The following PNPLA1 variants were observed in gnomAD, a reference collection of about 807,000 sequenced individuals.
PNPLA1 encodes the protein patatin like domain 1, omega-hydroxyceramide transacylase.
A neutral mutation model predicts 51.7 loss-of-function variants in PNPLA1; 36 were observed. The observed-to-expected ratio is 0.70, with a 90% CI of 0.53 to 0.92. The LOEUF is 0.92. Among genes scored for constraint, PNPLA1 ranks in the 40% least tolerant of loss-of-function variants. The pLI is 0.00. For missense variants in PNPLA1, 658 were observed against 682.5 expected, an observed-to-expected ratio of 0.96 and a Z score of 0.40; for synonymous variants, 293 against 280.1, an observed-to-expected ratio of 1.05 and a Z score of -0.46.
Position 36,306,288 on chromosome 6 carries a change from T to G in PNPLA1, c.1385-4T>G, listed in dbSNP as rs1771231024. 7 of 1,608,258 alleles carry G rather than the reference T, an allele frequency of 4.4e-6. No individual in the cohort carries two copies. The highest frequency in any genetic ancestry group is 2.2e-5 in the South Asian group (2 of 90,074). ...ACTCCCGTTTCCTATATCTTTACTT[T>G]TAGCTGTAGCTCTTCTTGTCTCTTC... On this transcript the variant is annotated splice_polypyrimidine_tract_variant and splice_region_variant and intron_variant, in intron 6 of 8. Transcript: ENST00000636260.
At chr6:36,272,082 C>G (rs1769933833) in intron 1 of PNPLA1, among the ~76,000 whole-genome samples, 1 of 152,182 alleles carries the variant, frequency 6.6e-6, no homozygotes, top group Non-Finnish European at 1.5e-5. Context: ...CAGAATGATT[C>G]AAGCGCATTA....
chr6:36,263,087 A>G (rs768576929), intron 1 of PNPLA1, among the ~76,000 whole-genome samples: 11 of 152,258 alleles, frequency 7.2e-5, no homozygotes, highest in Non-Finnish European at 1.3e-4. Flanking sequence ...TAAAATAACC[A>G]AGATTTTATT....
chr6:36,292,812 G>C (rs1421559327), intron 2 of PNPLA1, among the ~76,000 whole-genome samples: 1 of 152,226 alleles, frequency 6.6e-6, no homozygotes, highest in African/African-American at 2.4e-5. Context: ...GAACCCCGAA[G>C]CTATGGAGGA....
intron 1 of PNPLA1, among the ~76,000 whole-genome samples, chr6:36,282,048 A>G (rs111584264): frequency 3.4e-4 from 23 of 67,634 alleles, no homozygotes; most frequent in African/African-American, 1.3e-3. Flanking sequence ...AAAGAAGGAA[A>G]GAAAGAAAGA....
chr6:36,312,715 A>G lies in PNPLA1; in HGVS notation c.*829A>G, dbSNP rs1481266353. Among the ~76,000 whole-genome samples, 1 of 152,178 alleles carries G rather than the reference A, an allele frequency of 6.6e-6. No homozygotes were observed. Among genetic ancestry groups the G allele is most frequent in the Non-Finnish European group, 1.5e-5 (1 of 68,030 alleles). ...CCTATTCCCAGCCCCGATGGTGCAC[A>G]AGATCTGTTTCCCTTCCAGGGTGAG... On this transcript the variant is annotated 3_prime_UTR_variant, in exon 9 of 9. Transcript: ENST00000636260.
At chr6:36,304,772 C>T (rs1012213706) in intron 6 of PNPLA1, among the ~76,000 whole-genome samples, 3 of 152,130 alleles carry the variant, frequency 2.0e-5, no homozygotes, top group Admixed American at 1.3e-4. Flanking sequence ...CTGAGCAATC[C>T]TGCACCCCAA....
chr6:36,245,765 G>A (rs1325650895), intron 1 of PNPLA1, among the ~76,000 whole-genome samples: 2 of 152,198 alleles, frequency 1.3e-5, no homozygotes, highest in Admixed American at 6.5e-5. Context: ...TCATCCCCAC[G>A]TTACAGGTAG....
intron 1 of PNPLA1, among the ~76,000 whole-genome samples, chr6:36,271,058 C>T (rs1418267077): frequency 6.6e-6 from 1 of 152,202 alleles, no homozygotes; most frequent in Admixed American, 6.5e-5. Flanking sequence ...TTTCAAAATG[C>T]AAATACCCTT....
chr6:36,283,459 C>T (rs1284728258), intron 1 of PNPLA1, among the ~76,000 whole-genome samples: 1 of 152,090 alleles, frequency 6.6e-6, no homozygotes, highest in Non-Finnish European at 1.5e-5. Flanking sequence ...CCCATGAATC[C>T]TGTGGGTAAC....
Position 36,312,908 on chromosome 6 carries a change from G to A in PNPLA1, c.*1022G>A, listed in dbSNP as rs183207358. 1.7e-3 allele frequency among the ~76,000 whole-genome samples: 264 copies of A among 152,274 alleles called. 7 individuals are homozygous for A. The highest frequency in any genetic ancestry group is 0.016 in the Admixed American group (251 of 15,282). ...CTAGTCTCCCCAGGATCCTGTCCAA[G>A]GGCAAAACTCTTGGGGGCCCAGCAG... On this transcript the variant is annotated 3_prime_UTR_variant, in exon 9 of 9. Coordinates refer to ENST00000636260, the MANE Select transcript of PNPLA1 (RefSeq NM_001374623.1).
At chr6:36,285,297 G>A (rs1312392397) in intron 1 of PNPLA1, among the ~76,000 whole-genome samples, 1 of 152,186 alleles carries the variant, frequency 6.6e-6, no homozygotes, top group Non-Finnish European at 1.5e-5. Context: ...CTGGGAGCAG[G>A]GCCGGCGGCG....
chr6:36,272,592 G>C (rs1007246722), intron 1 of PNPLA1, among the ~76,000 whole-genome samples: 1 of 152,196 alleles, frequency 6.6e-6, no homozygotes, highest in African/African-American at 2.4e-5. Context: ...ATCTGATTAG[G>C]CTTCTTAAGA....
At chr6:36,259,020 G>A (rs1769590686) in intron 1 of PNPLA1, among the ~76,000 whole-genome samples, 1 of 152,196 alleles carries the variant, frequency 6.6e-6, no homozygotes, top group Admixed American at 6.5e-5. Flanking sequence ...CCCCACTATG[G>A]CAGTCTGGCC....
chr6:36,286,744 T>G (rs1395955550), intron 1 of PNPLA1, among the ~76,000 whole-genome samples: 2 of 152,140 alleles, frequency 1.3e-5, no homozygotes, highest in Non-Finnish European at 1.5e-5. Flanking sequence ...AGTGGTGCAA[T>G]CATGGCTCAC....
intron 1 of PNPLA1, among the ~76,000 whole-genome samples, chr6:36,272,441 C>A (rs755504098): frequency 5.5e-4 from 83 of 152,292 alleles, no homozygotes; most frequent in Middle Eastern, 6.8e-3. Context: ...TCCTGCTGTG[C>A]GGCCTGGTTC....
chr6:36,247,471 G>A (rs1329017511), intron 1 of PNPLA1, among the ~76,000 whole-genome samples: 1 of 152,216 alleles, frequency 6.6e-6, no homozygotes, highest in East Asian at 1.9e-4. Flanking sequence ...TTGACCCCAC[G>A]GGGACAGGGG....
chr6:36,283,309 G>C (rs774177196), intron 1 of PNPLA1, among the ~76,000 whole-genome samples: 1 of 152,218 alleles, frequency 6.6e-6, no homozygotes, highest in Non-Finnish European at 1.5e-5. Flanking sequence ...TATTAAAATA[G>C]CATTGTTTTC....
intron 5 of PNPLA1, among the ~76,000 whole-genome samples, chr6:36,299,153 A>G (rs1582091924): frequency 1.3e-5 from 2 of 152,166 alleles, no homozygotes; most frequent in Admixed American, 1.3e-4. Flanking sequence ...TGCAGTGCCC[A>G]TGGATGTCTC....
intron 1 of PNPLA1, among the ~76,000 whole-genome samples, chr6:36,290,525 T>C (rs2127343702): frequency 6.6e-6 from 1 of 152,300 alleles, no homozygotes; most frequent in Non-Finnish European, 1.5e-5. Context: ...AAGATAGAAA[T>C]ACCTACCTCC....
Sources: gnomAD v4.1 joint callset for allele counts (sites outside exome capture counted in the v4.1 genomes callset) on GRCh38, gnomAD v4.1.1 for gene constraint, MANE v1.5 for transcripts, NCBI Gene and HGNC (gene_info 2026-07-23, HGNC 2026-07-21) for gene names.